LRRC8B: variants seen among roughly 807,000 people sequenced by gnomAD.
The protein encoded by LRRC8B is volume-regulated anion channel subunit LRRC8B.
Under a neutral mutation model 58.8 loss-of-function variants are expected in LRRC8B, and 23 were observed. That is an observed-to-expected ratio of 0.39 (90% CI 0.28 to 0.55). LRRC8B has a LOEUF of 0.55. Ranked by LOEUF, LRRC8B falls within the 20% of genes least tolerant of loss-of-function variation. The pLI is 0.62. For synonymous variants in LRRC8B, 359 were observed against 374.1 expected (o/e 0.96, Z 0.47); for missense variants, 694 against 936.0 (o/e 0.74, Z 3.37).
chr1:89,554,113 G>A lies in LRRC8B; in HGVS notation c.-240-14134G>A, dbSNP rs117291810. Among the ~76,000 whole-genome samples, 176 of 152,246 alleles carry A rather than the reference G, an allele frequency of 1.2e-3. 1 individual carries two copies. In the East Asian group the frequency reaches 0.015, roughly 13 times the overall value. On this transcript the variant is annotated intron_variant, in intron 1 of 5. Transcript: ENST00000330947. ...GAAAATTTTTTAGTGTGGAATTTGA[G>A]ACTTAATTAGCATTTGATCCTAATC...
intron 1 of LRRC8B, among the ~76,000 whole-genome samples, chr1:89,551,140 C>T (rs1195775080): frequency 3.9e-5 from 6 of 152,106 alleles, no homozygotes; most frequent in South Asian, 2.1e-4. Context: ...CCCACTACCC[C>T]GCTGGAGATT....
At chr1:89,573,961 G>A (rs1455444008) in intron 3 of LRRC8B, among the ~76,000 whole-genome samples, 7 of 152,250 alleles carry the variant, frequency 4.6e-5, no homozygotes, top group African/African-American at 1.7e-4. Context: ...GAATGTGGCA[G>A]AAATGGTGTG....
intron 1 of LRRC8B, among the ~76,000 whole-genome samples, chr1:89,530,550 T>A (rs1018600400): frequency 2.0e-5 from 3 of 152,182 alleles, no homozygotes; most frequent in Admixed American, 1.3e-4. Flanking sequence ...TAAAGTAGGA[T>A]ATTTTTGTAG....
chr1:89,585,649 T>G (rs1301161433), intron 5 of LRRC8B, among the ~76,000 whole-genome samples: 10 of 151,944 alleles, frequency 6.6e-5, no homozygotes, highest in African/African-American at 2.4e-4. Context: ...TCAAAATATA[T>G]TATCCAAAAA....
At position 89,536,259 on chromosome 1, in the gene LRRC8B, A is replaced by C. The variant is rs554567092; in HGVS notation, c.-241+11237A>C. Among the ~76,000 whole-genome samples the C allele has an allele frequency of 2.0e-5, 3 of 152,340 alleles. No homozygotes were observed. The East Asian group carries it at 5.8e-4, about 29-fold the overall frequency. ...ACATGGAAACTGAGTTCCTCAGGGG[A>C]TATGTGGCTTATGTAAGTGAACCAC... is the stretch of plus-strand genomic sequence containing the variant. On this transcript the variant is annotated intron_variant, in intron 1 of 5. Transcript: ENST00000330947.
Position 89,561,073 on chromosome 1 carries a change from G to A in LRRC8B, c.-240-7174G>A, listed in dbSNP as rs1190624374. Among the ~76,000 whole-genome samples the A allele has an allele frequency of 5.3e-5, 8 of 150,508 alleles. No individual in the cohort carries two copies. The East Asian group carries it at 9.8e-4, about 18-fold the overall frequency. ...GTTGTTTCCTGACTTTTTAATGATC[G>A]CCATTCTAACTGGTGTGAGATGGTA... On this transcript the variant is annotated intron_variant, in intron 1 of 5. Coordinates refer to ENST00000330947, the MANE Select transcript of LRRC8B (RefSeq NM_001369817.2).
intron 1 of LRRC8B, among the ~76,000 whole-genome samples, chr1:89,535,230 T>C (rs1184683480): frequency 6.6e-6 from 1 of 152,100 alleles, no homozygotes; most frequent in Non-Finnish European, 1.5e-5. Flanking sequence ...CAAAACCCCA[T>C]ACCCCAGCTT....
chr1:89,585,854 A>G (rs1165972781), intron 5 of LRRC8B, among the ~76,000 whole-genome samples: 7 of 152,206 alleles, frequency 4.6e-5, no homozygotes, highest in Admixed American at 4.6e-4. Flanking sequence ...ATTATCTTTT[A>G]GACTTTTTGT....
chr1:89,583,179 T>C lies in LRRC8B; in HGVS notation c.529T>C (p.Ser177Pro), dbSNP rs1209480009. 3 of 1,614,156 alleles carry C rather than the reference T, an allele frequency of 1.9e-6. No homozygotes were observed. Among genetic ancestry groups the C allele is most frequent in the Admixed American group, 1.7e-5 (1 of 60,020 alleles). ...RALSETVAEQSVRPLKLSKSK... is the reference protein window; with the variant it reads ...RALSETVAEQPVRPLKLSKSK... ...CCTTTCAGAAACAGTGGCTGAGCAG[T>C]CAGTGAGGCCTCTGAAACTCTCCAA... Residue 177 changes from serine to proline, a missense_variant, in exon 5 of 6, where the codon TCA becomes CCA. By Grantham distance (74) the Ser-to-Pro change is moderately conservative. This residue lies in a region of LRRC8B where 316 missense variants were observed against 403.8 expected (regional missense o/e 0.78). Transcript: ENST00000330947. The surrounding 1 kb of genome is among the most constrained non-coding windows in gnomAD (Gnocchi z 5.2).
Position 89,561,894 on chromosome 1 carries a change from CT to C in LRRC8B, c.-240-6350del, listed in dbSNP as rs1295352651. Among the ~76,000 whole-genome samples, 4 of 152,146 alleles carry C rather than the reference CT, an allele frequency of 2.6e-5. No homozygotes were observed. The East Asian group carries it at 5.8e-4, about 22-fold the overall frequency. On this transcript the variant is annotated intron_variant, in intron 1 of 5. Coordinates refer to ENST00000330947, the MANE Select transcript of LRRC8B (RefSeq NM_001369817.2). Reference sequence around the variant, plus strand: ...GGGCTCTTTTTTGGTTCCATATGAACTTTATCTTTTAATATGTTTGTCTCCT... The same window carrying C: ...GGGCTCTTTTTTGGTTCCATATGAACTTATCTTTTAATATGTTTGTCTCCT...
Position 89,593,135 on chromosome 1 carries a change from G to A in LRRC8B, c.*92G>A. On this transcript the variant is annotated 3_prime_UTR_variant, in exon 6 of 6. Transcript: ENST00000330947. Reference sequence around the variant, plus strand: ...CATGCCTATAATCCCAGCACTTTGGGAGGCCAAGATGGGCGGATTGCTTGA... The same window carrying A: ...CATGCCTATAATCCCAGCACTTTGGAAGGCCAAGATGGGCGGATTGCTTGA... The A allele has an allele frequency of 1.5e-6, 2 of 1,343,498 alleles. No individual in the cohort carries two copies. The highest frequency in any genetic ancestry group is 2.3e-4 in the Middle Eastern group (1 of 4,274). The allele number at this position is 1,343,498 out of a possible 1,614,324, so 83.2% of individuals were successfully genotyped here.
At chr1:89,554,521 T>C (rs1020404209) in intron 1 of LRRC8B, among the ~76,000 whole-genome samples, 2 of 152,212 alleles carry the variant, frequency 1.3e-5, no homozygotes, top group Non-Finnish European at 2.9e-5. Flanking sequence ...ACCTTTCGAT[T>C]GCCTTCATTA....
chr1:89,528,321 T>G (rs1253081322), intron 1 of LRRC8B, among the ~76,000 whole-genome samples: 1 of 152,190 alleles, frequency 6.6e-6, no homozygotes, highest in Non-Finnish European at 1.5e-5. Flanking sequence ...ACCACATTCT[T>G]TATTGTTGAG....
chr1:89,575,546 T>C (rs965111163), intron 3 of LRRC8B, among the ~76,000 whole-genome samples: 1 of 152,184 alleles, frequency 6.6e-6, no homozygotes, highest in Non-Finnish European at 1.5e-5. Context: ...ATAAAACCTT[T>C]TCTTAAGCCA....
At chr1:89,573,732 T>C (rs895410469) in intron 3 of LRRC8B, among the ~76,000 whole-genome samples, 7 of 152,226 alleles carry the variant, frequency 4.6e-5, no homozygotes, top group Non-Finnish European at 8.8e-5. Context: ...ACCTTCCTTA[T>C]CTATTTTATA....
rs545605077 is a variant in LRRC8B at position 89,595,453 on chromosome 1, T to C, written c.*2410T>C. The C allele has an allele frequency of 3.3e-5, 5 of 152,264 alleles. No individual in the cohort carries two copies. The East Asian group carries it at 9.6e-4, about 29-fold the overall frequency. 9.4% of individuals were successfully genotyped at this position (152,264 alleles called of 1,614,324 possible). A position where few individuals can be genotyped will look rare whatever the true frequency, so the allele number is the denominator to read the frequency against. On this transcript the variant is annotated 3_prime_UTR_variant, in exon 6 of 6. Coordinates refer to ENST00000330947, the MANE Select transcript of LRRC8B (RefSeq NM_001369817.2). Reference sequence around the variant, plus strand: ...AAAACAAAATTCAGATTTGCTACCATTCACCTGACGAACTTCTCCATGGCT... The same window carrying C: ...AAAACAAAATTCAGATTTGCTACCACTCACCTGACGAACTTCTCCATGGCT...
chr1:89,591,203 T>C (rs1422218408), intron 5 of LRRC8B, among the ~76,000 whole-genome samples: 1 of 152,170 alleles, frequency 6.6e-6, no homozygotes, highest in Non-Finnish European at 1.5e-5. Flanking sequence ...CAAGCCTAAT[T>C]TCTTTTTTAG....
At chr1:89,540,067 T>A (rs1650841437) in intron 1 of LRRC8B, among the ~76,000 whole-genome samples, 2 of 152,198 alleles carry the variant, frequency 1.3e-5, no homozygotes, top group Non-Finnish European at 2.9e-5. Context: ...TCTTCACGTA[T>A]CATTTCTGGA....
intron 5 of LRRC8B, among the ~76,000 whole-genome samples, chr1:89,589,628 T>A (rs1654850045): frequency 2.0e-5 from 3 of 151,962 alleles, no homozygotes; most frequent in Non-Finnish European, 4.4e-5. Context: ...AAATTCCTTC[T>A]GAAGATCATC....
Sources: allele counts gnomAD v4.1 joint callset (sites outside exome capture counted in the v4.1 genomes callset), GRCh38; gene constraint gnomAD v4.1.1; regional missense constraint gnomAD v4.1.1; non-coding constraint Gnocchi (gnomAD v3.1); transcripts MANE v1.5; gene names NCBI Gene and HGNC (gene_info 2026-07-23, HGNC 2026-07-21).